TPRG1: variants seen among roughly 807,000 people sequenced by gnomAD.
The protein encoded by TPRG1 is tumor protein p63-regulated gene 1 protein.
TPRG1 carries 29 observed loss-of-function variants against 29.3 expected under a neutral mutation model. The observed-to-expected ratio is 0.99, with a 90% CI of 0.74 to 1.35. The LOEUF (loss-of-function observed/expected upper bound fraction) is 1.35. TPRG1 is among the 40% of genes most tolerant of loss of function. The pLI is 0.00. For synonymous variants in TPRG1, 130 were observed against 116.8 expected (o/e 1.11, Z -0.73); for missense variants, 327 against 335.0 (o/e 0.98, Z 0.19).
chr3:189,149,266 G>A (rs998977374), intron 4 of TPRG1, among the ~76,000 whole-genome samples: 1 of 152,100 alleles, frequency 6.6e-6, no homozygotes, highest in African/African-American at 2.4e-5. Flanking sequence ...ATCACTGTAT[G>A]CTGTCTAATG....
At chr3:189,288,368 G>A (rs1182380930) in intron 4 of TPRG1, among the ~76,000 whole-genome samples, 1 of 152,144 alleles carries the variant, frequency 6.6e-6, no homozygotes, top group Admixed American at 6.5e-5. Context: ...AAAGGCCAAT[G>A]TACATTGCAG....
intron 1 of TPRG1, among the ~76,000 whole-genome samples, chr3:189,178,208 T>C (rs1420927735): frequency 6.6e-6 from 1 of 152,116 alleles, no homozygotes; most frequent in Admixed American, 6.6e-5. Flanking sequence ...TGGGTTTTTA[T>C]TGAGGTGGAG....
At chr3:189,076,063 C>T (rs1431690361) in intron 4 of TPRG1, among the ~76,000 whole-genome samples, 1 of 152,020 alleles carries the variant, frequency 6.6e-6, no homozygotes, top group African/African-American at 2.4e-5. Context: ...TAAGATGAAA[C>T]GACTTGTCTC....
intron 1 of TPRG1, among the ~76,000 whole-genome samples, chr3:189,191,387 G>A (rs1338339966): frequency 1.3e-5 from 2 of 152,118 alleles, no homozygotes; most frequent in African/African-American, 2.4e-5. Context: ...CCACATTTGT[G>A]CTCTGACCTT....
At chr3:189,138,369 G>A (rs1002830600) in intron 3 of TPRG1, among the ~76,000 whole-genome samples, 2 of 152,120 alleles carry the variant, frequency 1.3e-5, no homozygotes, top group African/African-American at 4.8e-5. Context: ...GGGTTTTATG[G>A]CAGGGCTAGC....
At chr3:189,262,209 A>AGTATAAGTATAAGTATAG (rs772898750) in intron 4 of TPRG1, among the ~76,000 whole-genome samples, 1 of 102,510 alleles carries the variant, frequency 9.8e-6, no homozygotes, top group East Asian at 2.8e-4. Flanking sequence ...ACTTGGTATA[A>AGTATAAGTATAAGTATAG]GTATAAGTAT....
At chr3:189,070,229 G>A (rs959694238) in intron 4 of TPRG1, among the ~76,000 whole-genome samples, 2 of 152,172 alleles carry the variant, frequency 1.3e-5, no homozygotes, top group Admixed American at 6.5e-5. Context: ...AGAAATGGAG[G>A]ACAAATAAGT....
chr3:189,014,128 G>T (rs1226412494), intron 3 of TPRG1, among the ~76,000 whole-genome samples: 1 of 152,114 alleles, frequency 6.6e-6, no homozygotes, highest in African/African-American at 2.4e-5. Flanking sequence ...GTGTGTTTTT[G>T]TAATGGCTGC....
At chr3:189,092,038 T>C (rs1718369600) in intron 4 of TPRG1, among the ~76,000 whole-genome samples, 1 of 152,206 alleles carries the variant, frequency 6.6e-6, no homozygotes, top group African/African-American at 2.4e-5. Flanking sequence ...TTTCTCCTGA[T>C]ATGTAGTTTT....
chr3:189,212,143 C>T (rs563794842), intron 2 of TPRG1: 4 of 152,040 alleles, frequency 2.6e-5, no homozygotes, highest in East Asian at 3.9e-4. Flanking sequence ...AAGTTGAAAG[C>T]GATTTGGGAT....
intron 4 of TPRG1, among the ~76,000 whole-genome samples, chr3:189,276,125 G>C (rs1277405794): frequency 1.3e-5 from 2 of 152,098 alleles, no homozygotes; most frequent in African/African-American, 4.8e-5. Flanking sequence ...CACTGAGAGG[G>C]GAAGGCAAGG....
At chr3:189,114,076 C>T (rs1288707639) in intron 1 of TPRG1, among the ~76,000 whole-genome samples, 5 of 152,088 alleles carry the variant, frequency 3.3e-5, no homozygotes, top group East Asian at 1.9e-4. Flanking sequence ...TTTACTATTC[C>T]GTCAGCTAAA....
At chr3:189,047,030 G>A (rs1715022581) in intron 4 of TPRG1, among the ~76,000 whole-genome samples, 1 of 152,156 alleles carries the variant, frequency 6.6e-6, no homozygotes, top group African/African-American at 2.4e-5. Flanking sequence ...TGGAATTGAA[G>A]CAGCTTTACT....
At chr3:189,224,589 A>AAACAG (rs1737432694) in intron 3 of TPRG1, among the ~76,000 whole-genome samples, 1 of 152,192 alleles carries the variant, frequency 6.6e-6, no homozygotes, top group African/African-American at 2.4e-5. Flanking sequence ...ATGTGGCTGG[A>AAACAG]TTATAGTGAG....
chr3:189,235,042 A>G (rs769645004), intron 3 of TPRG1, among the ~76,000 whole-genome samples: 18 of 152,124 alleles, frequency 1.2e-4, no homozygotes, highest in Non-Finnish European at 2.1e-4. Flanking sequence ...CAAGGATCTG[A>G]AAGAAGATAA....
At chr3:189,161,220 TG>T (rs1365782443) in intron 5 of TPRG1, among the ~76,000 whole-genome samples, 5 of 152,184 alleles carry the variant, frequency 3.3e-5, no homozygotes, top group Admixed American at 3.3e-4. Context: ...GGAATTATCA[TG>T]GGGGTTAGGG....
intron 3 of TPRG1, 183 bp from the exon 4 acceptor site, chr3:189,238,550 C>T: frequency 2.3e-6 from 1 of 443,412 alleles, no homozygotes; most frequent in Non-Finnish European, 4.0e-6. Context: ...TCCACCTTTC[C>T]TCCTTCTTTA....
At chr3:189,292,331 T>C (rs1393508321) in intron 4 of TPRG1, among the ~76,000 whole-genome samples, 1 of 147,296 alleles carries the variant, frequency 6.8e-6, no homozygotes, top group Non-Finnish European at 1.5e-5. Flanking sequence ...TTTCTACCTG[T>C]TTTTTTTCCC....
chr3:189,193,132 A>AT (rs555964454), intron 1 of TPRG1, among the ~76,000 whole-genome samples: 11,778 of 90,062 alleles, frequency 0.13, 1,484 homozygotes, highest in African/African-American at 0.24. Context: ...TTGACTTTTA[A>AT]TTTTTTTTTT....
Sources: gnomAD v4.1 joint callset for allele counts (sites outside exome capture counted in the v4.1 genomes callset) on GRCh38, gnomAD v4.1.1 for gene constraint, MANE v1.5 for transcripts, NCBI Gene and HGNC (gene_info 2026-07-23, HGNC 2026-07-21) for gene names.